DTX4: variants seen among roughly 807,000 people sequenced by gnomAD.
The protein encoded by DTX4 is E3 ubiquitin-protein ligase DTX4.
Under a neutral mutation model 57.6 loss-of-function variants are expected in DTX4, and 28 were observed. The ratio of observed to expected loss-of-function variants is 0.49; its 90% confidence interval spans 0.36 to 0.67. The LOEUF is 0.67. Among genes scored for constraint, DTX4 ranks in the 30% least tolerant of loss-of-function variants. The pLI, the probability that DTX4 is intolerant of heterozygous loss-of-function variation, is 0.00. For missense variants in DTX4, 715 were observed against 836.8 expected (o/e 0.85, Z 1.80); for synonymous variants, 316 against 331.0 (o/e 0.95, Z 0.49).
chr11:59,176,620 C>T (rs1009956406), intron 1 of DTX4, among the ~76,000 whole-genome samples: 2 of 152,208 alleles, frequency 1.3e-5, no homozygotes, highest in African/African-American at 4.8e-5. Context: ...GGACCTAGCG[C>T]ATGCCCTAAC....
upstream of DTX4, among the ~76,000 whole-genome samples, chr11:59,171,741 T>TGC (rs1862325988): frequency 6.6e-6 from 1 of 152,030 alleles, no homozygotes; most frequent in African/African-American, 2.4e-5. Flanking sequence ...CGCGTGTGTG[T>TGC]GCGACTGTGA....
rs781324908 is a variant in DTX4 at position 59,208,412 on chromosome 11, G to A, written c.*3503G>A. 2.0e-5 allele frequency: 3 copies of A among 152,202 alleles called. No individual in the cohort carries two copies. The highest frequency in any genetic ancestry group is 2.1e-4 in the South Asian group (1 of 4,828). 9.4% of individuals were successfully genotyped at this position (152,202 alleles called of 1,614,324 possible). A position where few individuals can be genotyped will look rare whatever the true frequency, so the allele number is the denominator to read the frequency against. On this transcript the variant is annotated 3_prime_UTR_variant, in exon 9 of 9. Transcript: ENST00000227451. ...TTGCTGGGAAAATGAGTAAGTGAAC[G>A]TGTGGGAGAAAAACACTTTTAGAAT...
Position 59,181,747 on chromosome 11 carries a change from C to T in DTX4, c.220C>T (p.Arg74Cys), listed in dbSNP as rs753356918. 15 of 1,599,762 alleles carry T rather than the reference C, an allele frequency of 9.4e-6. No homozygotes were observed. The highest frequency in any genetic ancestry group is 4.0e-5 in the African/African-American group (3 of 74,746). The change falls in exon 2 of 9, where the codon CGC (arginine) becomes TGC (cysteine). Residue 74 changes from arginine to cysteine, a missense_variant. Coordinates refer to ENST00000227451, the MANE Select transcript of DTX4 (RefSeq NM_015177.2). ...CTATCCCACCCTGGCAGGAACTCTCCGCCCAGTTCGCCGCAACTACTACGA... is the reference window on the plus strand; with the variant it reads ...CTATCCCACCCTGGCAGGAACTCTCTGCCCAGTTCGCCGCAACTACTACGA... ...NQFRQDTGTLRPVRRNYYDPS... is the reference protein window; with the variant it reads ...NQFRQDTGTLCPVRRNYYDPS...
At chr11:59,176,012 T>A (rs1862391419) in intron 1 of DTX4, among the ~76,000 whole-genome samples, 1 of 152,162 alleles carries the variant, frequency 6.6e-6, no homozygotes, top group South Asian at 2.1e-4. Flanking sequence ...CCAGTGATGA[T>A]ACTGATAAGC....
At chr11:59,184,426 G>A (rs531782499) in intron 2 of DTX4, among the ~76,000 whole-genome samples, 18 of 152,234 alleles carry the variant, frequency 1.2e-4, no homozygotes, top group African/African-American at 4.1e-4. Flanking sequence ...CATACTAAGT[G>A]TATAGACTTA....
chr11:59,181,206 A>G (rs1007264211), intron 1 of DTX4, among the ~76,000 whole-genome samples: 3 of 152,312 alleles, frequency 2.0e-5, no homozygotes, highest in Admixed American at 2.0e-4. Context: ...ACAGAGGAGA[A>G]GGAATATGAT....
chr11:59,206,791 A>C lies in DTX4; in HGVS notation c.*1882A>C, dbSNP rs1444982978. On this transcript the variant is annotated 3_prime_UTR_variant, in exon 9 of 9. Coordinates refer to ENST00000227451, the MANE Select transcript of DTX4 (RefSeq NM_015177.2). ...GCCTTTGCTCTCTTTCCAAATGGTT[A>C]CAGGGATGTTGATCAGCTCCACCAG... The C allele has an allele frequency of 6.6e-6, 1 of 152,522 alleles. No homozygotes were observed. The highest frequency in any genetic ancestry group is 1.5e-5 in the Non-Finnish European group (1 of 68,032). 9.4% of individuals were successfully genotyped at this position (152,522 alleles called of 1,614,324 possible).
chr11:59,192,031 T>C (rs553764290), intron 5 of DTX4, 67 bp from the exon 6 acceptor site: 19 of 1,564,056 alleles, frequency 1.2e-5, no homozygotes, highest in Non-Finnish European at 1.6e-5. Context: ...ACCTCTGAGA[T>C]CATGTGGAAA....
chr11:59,200,990 A>G (rs2135526275), intron 8 of DTX4, among the ~76,000 whole-genome samples: 1 of 152,330 alleles, frequency 6.6e-6, no homozygotes, highest in South Asian at 2.1e-4. Flanking sequence ...GCTGTAACAC[A>G]GTGCCATAGA....
intron 7 of DTX4, 122 bp from the exon 8 acceptor site, chr11:59,199,562 C>T: frequency 2.5e-6 from 2 of 803,880 alleles, no homozygotes; most frequent in African/African-American, 1.7e-5. Context: ...TGGGTCTGTT[C>T]TCTGTTGAAG....
rs765078380 is a variant in DTX4, at chr11:59,182,291, C to T, written c.764C>T (p.Ser255Leu). Reference sequence around the variant, plus strand: ...CGAGGCCCACTGAAGACCGCCCCATCGCAGGTGATCCGGAGACAAGCCTCC... The same window carrying T: ...CGAGGCCCACTGAAGACCGCCCCATTGCAGGTGATCCGGAGACAAGCCTCC... ...TIRGPLKTAP[S>L]QVIRRQASSM... Residue 255 changes from serine to leucine, a missense_variant, in exon 2 of 9, where the codon TCG (serine) becomes TTG (leucine). Transcript: ENST00000227451. 4.1e-5 allele frequency: 66 copies of T among 1,612,238 alleles called. No homozygotes were observed. The South Asian group carries it at 4.7e-4, about 12-fold the overall frequency.
intron 4 of DTX4, 80 bp from the exon 5 acceptor site, chr11:59,191,034 C>T (rs1862591192): frequency 7.2e-7 from 1 of 1,385,284 alleles, no homozygotes; most frequent in Non-Finnish European, 1.0e-6. Flanking sequence ...TAACGTCCCC[C>T]TCTACCATGT....
At chr11:59,194,150 A>C (rs796753345) in intron 6 of DTX4, among the ~76,000 whole-genome samples, 1 of 152,142 alleles carries the variant, frequency 6.6e-6, no homozygotes, top group South Asian at 2.1e-4. Context: ...CTGGGGGTTT[A>C]AACAGACCCC....
intron 1 of DTX4, among the ~76,000 whole-genome samples, 192 bp from the exon 2 acceptor site, chr11:59,181,547 G>A (rs909076140): frequency 6.6e-6 from 1 of 152,152 alleles, no homozygotes; most frequent in African/African-American, 2.4e-5. Context: ...CTTCTACCCT[G>A]GTTGGACTAT....
Position 59,205,155 on chromosome 11 carries a change from G to A in DTX4, c.*246G>A, listed in dbSNP as rs1590992361. 3 of 466,384 alleles carry A rather than the reference G, an allele frequency of 6.4e-6. No homozygotes were observed. The highest frequency in any genetic ancestry group is 3.3e-5 in the Admixed American group (1 of 30,022). The allele number at this position is 466,384 out of a possible 1,614,324, so 28.9% of individuals were successfully genotyped here. On this transcript the variant is annotated 3_prime_UTR_variant, in exon 9 of 9. Transcript: ENST00000227451. ...AGGGCCATCCTGGGTCTGTTCCCAT[G>A]GAGTTTTTGGTGCTGGGTAGGCAGG...
At chr11:59,181,122 T>C (rs116000056) in intron 1 of DTX4, among the ~76,000 whole-genome samples, 56 of 152,248 alleles carry the variant, frequency 3.7e-4, no homozygotes, top group African/African-American at 1.3e-3. Flanking sequence ...GGCAGAGTCT[T>C]CCCTCAGTCC....
At chr11:59,184,643 T>C (rs934855788) in intron 2 of DTX4, among the ~76,000 whole-genome samples, 3 of 152,254 alleles carry the variant, frequency 2.0e-5, no homozygotes, top group Non-Finnish European at 4.4e-5. Flanking sequence ...TGAATCTCGA[T>C]GAGGGAGTGG....
At position 59,172,616 on chromosome 11, in the gene DTX4, G is replaced by T; in HGVS notation, c.21G>T (p.Val7=). MLLASA[V]VVWEWLNEHG... ...TCGCCATGCTCCTGGCCTCGGCCGT[G>T]GTGGTCTGGGAATGGCTGAACGAGC... is the stretch of plus-strand genomic sequence containing the variant. Residue 7 remains valine, a synonymous_variant, in exon 1 of 9, where the codon GTG becomes GTT. Coordinates refer to ENST00000227451, the MANE Select transcript of DTX4 (RefSeq NM_015177.2). The T allele has an allele frequency of 6.4e-7, 1 of 1,565,014 alleles. No homozygotes were observed.
Position 59,187,651 on chromosome 11 carries a change from G to A in DTX4, c.936-1084G>A, listed in dbSNP as rs1160440674. On this transcript the variant is annotated intron_variant, in intron 2 of 8. Coordinates refer to ENST00000227451, the MANE Select transcript of DTX4 (RefSeq NM_015177.2). ...CTTTGCAGGCTGTCTGCCTCCTGGA[G>A]TCATCTGTGACCGGGTCCATTAGCC... is the stretch of plus-strand genomic sequence containing the variant. Among the ~76,000 whole-genome samples, 5 of 152,224 alleles carry A rather than the reference G, an allele frequency of 3.3e-5. No individual in the cohort carries two copies. In the East Asian group the frequency reaches 9.6e-4, roughly 29 times the overall value.
Sources: allele counts gnomAD v4.1 joint callset (sites outside exome capture counted in the v4.1 genomes callset), GRCh38; gene constraint gnomAD v4.1.1; transcripts MANE v1.5; gene names NCBI Gene and HGNC (gene_info 2026-07-23, HGNC 2026-07-21).